The following SYNE1 variants were observed in gnomAD, a reference collection of about 807,000 sequenced individuals.
SYNE1 encodes spectrin repeat containing nuclear envelope protein 1, also known as nesprin-1.
In SYNE1, 616 loss-of-function variants were observed where a neutral mutation model predicts 1,111.0. The ratio of observed to expected loss-of-function variants is 0.55; its 90% CI spans 0.52 to 0.59. The LOEUF is 0.59. Ranked by LOEUF, SYNE1 falls within the 20% of genes least tolerant of loss-of-function variation. The probability of loss-of-function intolerance (pLI) is 0.00; values close to 1 mark genes in which losing one functional copy is unlikely to be tolerated. For missense variants in SYNE1, 10,006 were observed against 10,417.0 expected, an observed-to-expected ratio of 0.96 and a Z score of 1.72; for synonymous variants, 3,855 against 3,825.8, an observed-to-expected ratio of 1.01 and a Z score of -0.28.
chr6:152,533,585 C>T (rs1289268721), intron 4 of SYNE1, among the ~76,000 whole-genome samples: 2 of 152,084 alleles, frequency 1.3e-5, no homozygotes, highest in African/African-American at 4.8e-5. Context: ...ACCTCTACTG[C>T]TACTATCTTG....
intron 3 of SYNE1, among the ~76,000 whole-genome samples, chr6:152,588,341 A>G (rs2099547039): frequency 6.6e-6 from 1 of 152,204 alleles, no homozygotes; most frequent in African/African-American, 2.4e-5. Flanking sequence ...AGAAGCTTAC[A>G]CCGTGCTGGG....
In SYNE1 at chr6:152,401,358, A is replaced by G; in HGVS notation, c.6826-17T>C. ...TTCTATAAACTAAATATCAAGCAAG[A>G]TTTCATCAATATCTCTGAAGACCAG... is the stretch of plus-strand genomic sequence containing the variant. On this transcript the variant is annotated splice_polypyrimidine_tract_variant and intron_variant, in intron 46 of 145. Coordinates refer to ENST00000367255, the MANE Select transcript of SYNE1 (RefSeq NM_182961.4). 6.2e-7 allele frequency: 1 copy of G among 1,608,608 alleles called. No individual in the cohort carries two copies. The highest frequency in any genetic ancestry group is 8.5e-7 in the Non-Finnish European group (1 of 1,176,654).
At chr6:152,245,546 TCTG>T (rs1322297382) in intron 105 of SYNE1, among the ~76,000 whole-genome samples, 2 of 152,206 alleles carry the variant, frequency 1.3e-5, no homozygotes, top group Non-Finnish European at 2.9e-5. Context: ...TTGCTTGTTC[TCTG>T]GCATATTTTT....
intron 31 of SYNE1, among the ~76,000 whole-genome samples, chr6:152,441,718 A>T (rs565987068): frequency 6.6e-6 from 1 of 152,320 alleles, no homozygotes; most frequent in African/African-American, 2.4e-5. Flanking sequence ...TAAAGCATAA[A>T]GGTGGCATAA....
At position 152,373,103 on chromosome 6, in the gene SYNE1, A is replaced by G; in HGVS notation, c.9441T>C (p.Val3147=). ...KEKAKGIQAK[V]TAAKEDWKNF... Reference sequence around the variant, plus strand: ...TTTTCCAATCTTCTTTTGCAGCTGTAACTTTGGCCTGGATCCCTTTCGCTT... The same window carrying G: ...TTTTCCAATCTTCTTTTGCAGCTGTGACTTTGGCCTGGATCCCTTTCGCTT... Residue 3147 remains valine (V), a synonymous_variant, in exon 59 of 146, where the codon GTT becomes GTC. Transcript: ENST00000367255. 6.2e-7 allele frequency: 1 copy of G among 1,614,128 alleles called. No homozygotes were observed. Among genetic ancestry groups the G allele is most frequent in the Admixed American group, 1.7e-5 (1 of 60,022 alleles).
chr6:152,369,274 G>A, intron 60 of SYNE1, 147 bp from the exon 61 acceptor site: 2 of 1,339,328 alleles, frequency 1.5e-6, no homozygotes, highest in Non-Finnish European at 2.1e-6. Flanking sequence ...ACACCGTGGA[G>A]CACAAATCAT....
chr6:152,612,788 GC>G (rs370899317), intron 3 of SYNE1, among the ~76,000 whole-genome samples: 6 of 152,212 alleles, frequency 3.9e-5, no homozygotes, highest in Non-Finnish European at 7.4e-5. Context: ...CCATCAAAAA[GC>G]TTATCCACCA....
intron 3 of SYNE1, among the ~76,000 whole-genome samples, chr6:152,553,023 ATCTATCT>A (rs2099352935): frequency 6.6e-6 from 1 of 152,168 alleles, no homozygotes; most frequent in Non-Finnish European, 1.5e-5. Context: ...AATAATAGAA[ATCTATCT>A]TCTATTTAGA....
Position 152,436,036 on chromosome 6 carries a change from C to T in SYNE1, c.4215G>A (p.Glu1405=). ...QAENLVKEAS[E]IPLGPQNKQL... is the part of the protein sequence containing the mutation. ...GCTTATTTTGGGGCCCAAGCGGTAT[C>T]TCTGAAGCTTCCTTTACAAGGTTCT... The change falls in exon 33 of 146, where the codon GAG becomes GAA. Residue 1405 remains glutamate, a synonymous_variant. Coordinates refer to ENST00000367255, the MANE Select transcript of SYNE1 (RefSeq NM_182961.4). 6.2e-7 allele frequency: 1 copy of T among 1,614,136 alleles called. No homozygotes were observed. Among genetic ancestry groups the T allele is most frequent in the Non-Finnish European group, 8.5e-7 (1 of 1,180,012 alleles).
intron 127 of SYNE1, among the ~76,000 whole-genome samples, chr6:152,197,053 A>C (rs1055955220): frequency 6.6e-6 from 1 of 152,162 alleles, no homozygotes; most frequent in Non-Finnish European, 1.5e-5. Flanking sequence ...ACTGAGCTCC[A>C]ATGCAATGCA....
chr6:152,152,933 C>T (rs1187454406), intron 133 of SYNE1, among the ~76,000 whole-genome samples: 1 of 152,008 alleles, frequency 6.6e-6, no homozygotes, highest in Non-Finnish European at 1.5e-5. Flanking sequence ...CTGCCTTTTC[C>T]CTCCAATGTA....
intron 143 of SYNE1, among the ~76,000 whole-genome samples, chr6:152,132,593 T>C (rs1000298992): frequency 1.3e-5 from 2 of 152,208 alleles, no homozygotes; most frequent in Non-Finnish European, 2.9e-5. Context: ...TACATTCCAG[T>C]TGGAAACAAA....
chr6:152,399,650 G>T lies in SYNE1; in HGVS notation c.7203C>A (p.Ala2401=), dbSNP rs756913233. 1 of 1,614,116 alleles carries T rather than the reference G, an allele frequency of 6.2e-7. No individual in the cohort carries two copies. The highest frequency in any genetic ancestry group is 8.5e-7 in the Non-Finnish European group (1 of 1,180,016). The change falls in exon 48 of 146, where the codon GCC becomes GCA. Residue 2401 remains alanine, a synonymous_variant. Transcript: ENST00000367255. ...AVSQLCSKTQ[A]SLQESLEKHF... is the part of the protein sequence containing the mutation. Reference sequence around the variant, plus strand: ...GTTTTTCCAGAGATTCCTGCAGGCTGGCCTGGGTTTTGGAGCACAACTGGC... The same window carrying T: ...GTTTTTCCAGAGATTCCTGCAGGCTTGCCTGGGTTTTGGAGCACAACTGGC...
At chr6:152,422,275 A>T (rs1045814526) in intron 39 of SYNE1, among the ~76,000 whole-genome samples, 1 of 152,186 alleles carries the variant, frequency 6.6e-6, no homozygotes, top group East Asian at 1.9e-4. Flanking sequence ...TTTCCTTAGA[A>T]ATGTCTCTTA....
intron 87 of SYNE1, among the ~76,000 whole-genome samples, chr6:152,312,689 CT>C (rs1484224552): frequency 2.0e-5 from 3 of 149,402 alleles, no homozygotes; most frequent in African/African-American, 7.3e-5. Context: ...AAATATATGA[CT>C]TGGAAAATAT....
At chr6:152,358,599 C>T (rs2096879287) in intron 65 of SYNE1, 62 bp from the exon 66 acceptor site, 20 of 1,534,808 alleles carry the variant, frequency 1.3e-5, no homozygotes, top group Non-Finnish European at 1.7e-5. Context: ...CATCAGTGTG[C>T]TGTAATTCAC....
Position 152,284,009 on chromosome 6 carries a change from A to G in SYNE1, c.18176T>C (p.Met6059Thr), listed in dbSNP as rs986702416. Reference protein sequence around the residue: ...VLAERMSTIRMKASGKRQLLE... With the variant: ...VLAERMSTIRTKASGKRQLLE... ...AAGCTGCCGTTTCCCCGAGGCTTTC[A>G]TCCTGATGGTGGACATTCGCTCGGC... Residue 6059 changes from methionine to threonine, a missense_variant, in exon 96 of 146, where the codon ATG (methionine) becomes ACG (threonine). Met to Thr is a moderately conservative substitution (Grantham distance 81). Around this residue, in one of 7 missense-constraint regions of SYNE1, gnomAD observed 99 missense variants for 147.8 expected, o/e 0.67. Transcript: ENST00000367255. The G allele has an allele frequency of 2.5e-6, 4 of 1,614,114 alleles. No homozygotes were observed. The highest frequency in any genetic ancestry group is 1.6e-4 in the Middle Eastern group (1 of 6,084).
At chr6:152,451,622 A>T in intron 25 of SYNE1, among the ~76,000 whole-genome samples, 1 of 151,800 alleles carries the variant, frequency 6.6e-6, no homozygotes, top group East Asian at 1.9e-4. Context: ...AGCTGGGACT[A>T]CAGGCAGCAC....
intron 73 of SYNE1, among the ~76,000 whole-genome samples, chr6:152,344,863 T>A (rs1590665087): frequency 6.6e-6 from 1 of 152,174 alleles, no homozygotes; most frequent in Non-Finnish European, 1.5e-5. Context: ...ATTTTATCCA[T>A]AAGACATATT....
Sources: gnomAD v4.1 joint callset for allele counts (sites outside exome capture counted in the v4.1 genomes callset) on GRCh38, gnomAD v4.1.1 for gene constraint, gnomAD v4.1.1 regional missense constraint, MANE v1.5 for transcripts, NCBI Gene and HGNC (gene_info 2026-07-23, HGNC 2026-07-21) for gene names.